MAP3K7: variants seen among roughly 807,000 people sequenced by gnomAD.
The protein encoded by MAP3K7 is mitogen-activated protein kinase kinase kinase 7.
Under a neutral mutation model 84.8 loss-of-function variants are expected in MAP3K7, and 21 were observed. The observed-to-expected ratio is 0.25, with a 90% confidence interval of 0.18 to 0.36. The LOEUF is 0.36. Ranked by LOEUF, MAP3K7 falls within the 10% of genes least tolerant of loss-of-function variation. The pLI, the probability that MAP3K7 is intolerant of heterozygous loss-of-function variation, is 1.00. For synonymous variants in MAP3K7, 241 were observed against 247.7 expected, an observed-to-expected ratio of 0.97 and a Z score of 0.25; for missense variants, 503 against 747.7, an observed-to-expected ratio of 0.67 and a Z score of 3.82.
intron 11 of MAP3K7, among the ~76,000 whole-genome samples, chr6:90,545,435 G>A (rs771379360): frequency 1.3e-5 from 2 of 152,042 alleles, no homozygotes; most frequent in South Asian, 4.1e-4. Context: ...TGATACTAGC[G>A]AAGACATGAA....
At chr6:90,531,546 T>C (rs1459835785) in intron 13 of MAP3K7, among the ~76,000 whole-genome samples, 1 of 152,228 alleles carries the variant, frequency 6.6e-6, no homozygotes, top group Admixed American at 6.5e-5. Flanking sequence ...AAATATTCTT[T>C]CTAATCTAAA....
At chr6:90,540,325 A>C (rs572994510) in intron 12 of MAP3K7, among the ~76,000 whole-genome samples, 124 of 152,030 alleles carry the variant, frequency 8.2e-4, no homozygotes, top group Non-Finnish European at 1.5e-3. Context: ...CTCAAATTGA[A>C]GCACTTCAAG....
intron 1 of MAP3K7, among the ~76,000 whole-genome samples, chr6:90,580,350 A>G (rs1248211370): frequency 6.6e-6 from 1 of 152,238 alleles, no homozygotes; most frequent in Non-Finnish European, 1.5e-5. Context: ...GTTGTAAACC[A>G]CTGAAAGAAG....
intron 5 of MAP3K7, among the ~76,000 whole-genome samples, chr6:90,558,262 T>C (rs34893753): frequency 2.0e-4 from 30 of 151,958 alleles, no homozygotes; most frequent in African/African-American, 7.0e-4. Flanking sequence ...GTGGAGGTTG[T>C]AGTGAGCTGA....
chr6:90,565,956 C>G (rs930696361), intron 3 of MAP3K7, among the ~76,000 whole-genome samples: 4 of 152,096 alleles, frequency 2.6e-5, no homozygotes, highest in Non-Finnish European at 5.9e-5. Context: ...GAACCAATGA[C>G]AAAAACCACA....
In MAP3K7 at chr6:90,576,527, T is replaced by G. The variant is rs1484620921; in HGVS notation, c.121-4720A>C. ...AAGGGAAAAGAAAAACCTCACTACC[T>G]TATTTACTCCAATATGTGAGCCCAA... On this transcript the variant is annotated intron_variant, in intron 1 of 16. Transcript: ENST00000369329. Among the ~76,000 whole-genome samples the G allele has an allele frequency of 6.6e-5, 10 of 151,694 alleles. No homozygotes were observed. The East Asian group carries it at 1.9e-3, about 29-fold the overall frequency.
In MAP3K7 at chr6:90,516,515, G is replaced by A; in HGVS notation, c.1807C>T (p.Gln603Ter). The change falls in exon 17 of 17, where the codon CAA (glutamine) becomes TAA (stop). Residue 603 changes from glutamine to a stop codon, truncating the protein, a stop_gained. Transcript: ENST00000369329. LOFTEE classifies it high-confidence loss of function. ...EVIRSQQQKR[Q>*]GTS ...GTCCCAGAGAATCATGAAGTGCCTT[G>A]TCGTTTCTGCTGCTGACTTCTGATG... The A allele has an allele frequency of 6.2e-7, 1 of 1,611,504 alleles. No homozygotes were observed.
Position 90,513,842 on chromosome 6 carries a change from A to G in MAP3K7, c.*2659T>C, listed in dbSNP as rs542547331. ...AGCTGAAATTAGGAACATGAAAGAA[A>G]CTTGAAGAGAGAAGACATTCAATAC... On this transcript the variant is annotated 3_prime_UTR_variant, in exon 17 of 17. Transcript: ENST00000369329. 6.6e-6 allele frequency: 1 copy of G among 152,258 alleles called. No homozygotes were observed. The highest frequency in any genetic ancestry group is 6.6e-5 in the Admixed American group (1 of 15,258). The allele number at this position is 152,258 out of a possible 1,614,324, so 9.4% of individuals were successfully genotyped here.
chr6:90,556,714 G>T, intron 5 of MAP3K7, 90 bp from the exon 6 acceptor site: 2 of 1,321,746 alleles, frequency 1.5e-6, no homozygotes. Flanking sequence ...AAATGGAAAA[G>T]GTTAAGCAAA....
chr6:90,542,372 A>C, intron 12 of MAP3K7: 1 of 983,680 alleles, frequency 1.0e-6, no homozygotes, highest in South Asian at 4.7e-5. Context: ...GGAAAAGCCT[A>C]AAAAGAATAT....
chr6:90,528,390 ATCCATCGTATGTGAGT>A lies in MAP3K7; in HGVS notation c.1357-4623_1357-4608del, dbSNP rs562710920. ...CAATACAAAAGTACCTTTGAGTAGA[ATCCATCGTATGTGAGT>A]TCTAATTATGCTGTAATGTCTGCTT... On this transcript the variant is annotated intron_variant, in intron 13 of 16. Coordinates refer to ENST00000369329, the MANE Select transcript of MAP3K7 (RefSeq NM_145331.3). Among the ~76,000 whole-genome samples the A allele has an allele frequency of 4.0e-3, 605 of 152,350 alleles. 1 individual carries two copies. Among genetic ancestry groups the A allele is most frequent in the Non-Finnish European group, 6.7e-3 (455 of 68,032 alleles).
At chr6:90,580,622 A>T (rs1335299299) in intron 1 of MAP3K7, among the ~76,000 whole-genome samples, 1 of 152,170 alleles carries the variant, frequency 6.6e-6, no homozygotes, top group Non-Finnish European at 1.5e-5. Flanking sequence ...ACCTAGCCCA[A>T]CATTATTTTA....
intron 1 of MAP3K7, among the ~76,000 whole-genome samples, chr6:90,581,781 T>A (rs949748135): frequency 6.6e-6 from 1 of 152,220 alleles, no homozygotes; most frequent in Non-Finnish European, 1.5e-5. Context: ...CATAATTAAA[T>A]AGTGACTAAC....
chr6:90,523,263 C>T (rs568081327), intron 14 of MAP3K7, among the ~76,000 whole-genome samples: 113 of 151,888 alleles, frequency 7.4e-4, no homozygotes, highest in Non-Finnish European at 1.2e-3. Flanking sequence ...CATGACATCT[C>T]GTGTCCTTAA....
chr6:90,562,120 G>A (rs1440645822), intron 3 of MAP3K7, among the ~76,000 whole-genome samples: 1 of 152,186 alleles, frequency 6.6e-6, no homozygotes, highest in Non-Finnish European at 1.5e-5. Context: ...TTCCAAGATG[G>A]CCAAATAGGA....
At chr6:90,564,899 C>A (rs1776651511) in intron 3 of MAP3K7, among the ~76,000 whole-genome samples, 3 of 152,144 alleles carry the variant, frequency 2.0e-5, no homozygotes, top group South Asian at 4.1e-4. Flanking sequence ...TCAAACTAGA[C>A]TCAGGATTAA....
Position 90,536,085 on chromosome 6 carries a change from T to C in MAP3K7, c.1356+252A>G, listed in dbSNP as rs529996963. ...AACATACATAAAACCATATAACATA[T>C]ATACAGCGCTAATGAACAATTTACT... is the stretch of plus-strand genomic sequence containing the variant. On this transcript the variant is annotated intron_variant, in intron 13 of 16. Transcript: ENST00000369329. Among the ~76,000 whole-genome samples, 6 of 152,228 alleles carry C rather than the reference T, an allele frequency of 3.9e-5. No homozygotes were observed. In the South Asian group the frequency reaches 1.0e-3, roughly 26 times the overall value.
intron 4 of MAP3K7, 128 bp from the exon 5 acceptor site, chr6:90,560,342 G>C (rs1034335885): frequency 7.6e-6 from 7 of 924,466 alleles, no homozygotes; most frequent in Non-Finnish European, 1.1e-5. Context: ...CATCAGTCCT[G>C]CTTTTAATTT....
At chr6:90,582,835 TAA>T (rs1311027220) in intron 1 of MAP3K7, among the ~76,000 whole-genome samples, 3 of 151,900 alleles carry the variant, frequency 2.0e-5, no homozygotes, top group Non-Finnish European at 4.4e-5. Flanking sequence ...GATATCATAC[TAA>T]GTCAGACATT....
Sources: gnomAD v4.1 joint callset for allele counts (sites outside exome capture counted in the v4.1 genomes callset) on GRCh38, gnomAD v4.1.1 for gene constraint, MANE v1.5 for transcripts, NCBI Gene and HGNC (gene_info 2026-07-23, HGNC 2026-07-21) for gene names.